Variants in UBR3 observed in about 807,000 individuals in gnomAD.
UBR3 encodes the protein E3 ubiquitin-protein ligase UBR3.
A neutral mutation model predicts 243.2 loss-of-function variants in UBR3; 85 were observed. The ratio of observed to expected loss-of-function variants is 0.35; its 90% CI spans 0.29 to 0.42. The LOEUF is 0.42. UBR3 is among the 10% of genes least tolerant of loss of function. The probability of loss-of-function intolerance (pLI) is 1.00; values close to 1 mark genes in which losing one functional copy is unlikely to be tolerated. For missense variants in UBR3, 1,686 were observed against 2,300.8 expected (o/e 0.73, Z 5.47); for synonymous variants, 748 against 799.8 (o/e 0.94, Z 1.09).
At chr2:170,055,839 A>G (rs968693832) in intron 33 of UBR3, among the ~76,000 whole-genome samples, 10 of 152,122 alleles carry the variant, frequency 6.6e-5, no homozygotes, top group African/African-American at 2.2e-4. Context: ...CCTTAAACTT[A>G]GAGAAGTTAT....
chr2:169,981,070 C>T (rs1172298753), intron 24 of UBR3, among the ~76,000 whole-genome samples: 1 of 151,806 alleles, frequency 6.6e-6, no homozygotes, highest in Non-Finnish European at 1.5e-5. Context: ...CATTATAACC[C>T]TGAGTATAAA....
intron 30 of UBR3, among the ~76,000 whole-genome samples, chr2:170,024,116 G>T (rs1375594216): frequency 6.6e-6 from 1 of 152,052 alleles, no homozygotes; most frequent in African/African-American, 2.4e-5. Flanking sequence ...AACTGACAGA[G>T]GGCTGAGGTG....
intron 25 of UBR3, among the ~76,000 whole-genome samples, chr2:169,991,712 A>G (rs978164982): frequency 6.6e-6 from 1 of 152,074 alleles, no homozygotes; most frequent in Non-Finnish European, 1.5e-5. Flanking sequence ...CTTCCCAAGT[A>G]GCTGGGACCA....
intron 1 of UBR3, among the ~76,000 whole-genome samples, chr2:169,838,517 T>G (rs2082189458): frequency 6.6e-6 from 1 of 151,270 alleles, no homozygotes; most frequent in South Asian, 2.1e-4. Context: ...CTAAGGTAGT[T>G]CCCTCCAGCA....
chr2:169,895,149 A>G lies in UBR3; in HGVS notation c.1106-32A>G, dbSNP rs553003677. The stretch of plus-strand genomic sequence containing the variant: ...TAAAATGAGATGAGCAACTTCAATC[A>G]TTAACTGATAAATTTCATTTTTCAT... On this transcript the variant is annotated intron_variant, in intron 6 of 38. Transcript: ENST00000272793. 14 of 1,481,118 alleles carry G rather than the reference A, an allele frequency of 9.5e-6. No individual in the cohort carries two copies. The South Asian group carries it at 1.8e-4, about 19-fold the overall frequency. 91.7% of individuals were successfully genotyped at this position (1,481,118 alleles called of 1,614,324 possible).
intron 35 of UBR3, among the ~76,000 whole-genome samples, chr2:170,064,803 ATTTTT>A: frequency 9.1e-5 from 8 of 87,872 alleles, no homozygotes; most frequent in African/African-American, 3.0e-4. Flanking sequence ...TGCTTTTTCT[ATTTTT>A]TTTTTTTTTT....
At chr2:170,029,888 T>C (rs13017753) in intron 31 of UBR3, among the ~76,000 whole-genome samples, 66,125 of 151,938 alleles carry the variant, frequency 0.44, 15,477 homozygotes, top group Non-Finnish European at 0.54. Flanking sequence ...AAAAAAATGC[T>C]TTCTTCTGAT....
intron 5 of UBR3, among the ~76,000 whole-genome samples, chr2:169,890,534 G>GATATATATATATATATATATAT (rs1329333538): frequency 5.7e-5 from 1 of 17,468 alleles, no homozygotes; most frequent in East Asian, 1.4e-3. Flanking sequence ...AGGAGAGAGA[G>GATATATATATATATATATATAT]AGAGAGATAT....
chr2:169,863,185 C>T (rs1013585594), intron 1 of UBR3, among the ~76,000 whole-genome samples: 4 of 152,190 alleles, frequency 2.6e-5, no homozygotes, highest in African/African-American at 9.7e-5. Context: ...CTCTCCTCTA[C>T]TTCTCCCACA....
At chr2:170,016,904 A>G in intron 30 of UBR3, 1 of 798,220 alleles carries the variant, frequency 1.3e-6, no homozygotes, top group Non-Finnish European at 1.6e-6. Context: ...AAGTCATGAT[A>G]AAGTTTATCC....
At chr2:170,007,653 C>T (rs1277559860) in intron 28 of UBR3, among the ~76,000 whole-genome samples, 1 of 152,086 alleles carries the variant, frequency 6.6e-6, no homozygotes, top group Admixed American at 6.5e-5. Context: ...CACTTAAGGT[C>T]AGGAGTTTGA....
intron 31 of UBR3, among the ~76,000 whole-genome samples, chr2:170,034,232 G>C (rs12692938): frequency 0.98 from 148,444 of 151,992 alleles, 72,580 homozygotes; most frequent in East Asian, 1. Flanking sequence ...TGCTGTTGAA[G>C]ATTCTGTAGG....
chr2:169,908,049 C>A (rs1318331640), intron 10 of UBR3, among the ~76,000 whole-genome samples: 1 of 152,122 alleles, frequency 6.6e-6, no homozygotes, highest in Non-Finnish European at 1.5e-5. Context: ...TTCTTATACC[C>A]CCTCTCCCTC....
intron 29 of UBR3, among the ~76,000 whole-genome samples, chr2:170,009,523 A>C (rs1475375231): frequency 6.6e-6 from 1 of 152,138 alleles, no homozygotes; most frequent in African/African-American, 2.4e-5. Context: ...GATTAGTCTA[A>C]TTGTATGCAA....
chr2:169,914,069 G>A lies in UBR3; in HGVS notation c.1789G>A (p.Glu597Lys), dbSNP rs1384649517. The change falls in exon 11 of 39, where the codon GAG (glutamate) becomes AAG (lysine). Residue 597 changes from glutamate (E) to lysine (K), a missense_variant. This residue lies in a region of UBR3 where 346 missense variants were observed against 585.8 expected (regional missense o/e 0.59). Transcript: ENST00000272793. ...TAACTTACTATTTTAGGAAACTCAA[G>A]AGTATACCCGAAATGTTGTTAGATA... Reference protein sequence around the residue: ...LSHCKVRETQEYTRNVVRYCL... With the variant: ...LSHCKVRETQKYTRNVVRYCL... 6.8e-7 allele frequency: 1 copy of A among 1,480,746 alleles called. No individual in the cohort carries two copies. The highest frequency in any genetic ancestry group is 2.4e-5 in the Admixed American group (1 of 42,508). 91.7% of individuals were successfully genotyped at this position (1,480,746 alleles called of 1,614,324 possible).
At chr2:169,847,124 T>TGTGC (rs1332056027) in intron 1 of UBR3, among the ~76,000 whole-genome samples, 149 of 33,516 alleles carry the variant, frequency 4.4e-3, no homozygotes, top group African/African-American at 0.011. Flanking sequence ...TGTGTGTGTG[T>TGTGC]GCGCTGGCAG....
intron 6 of UBR3, among the ~76,000 whole-genome samples, chr2:169,893,930 CT>C (rs1385641200): frequency 6.6e-6 from 1 of 152,024 alleles, no homozygotes; most frequent in East Asian, 1.9e-4. Flanking sequence ...GTTTTTATTA[CT>C]TTTTATCTTT....
At chr2:170,070,562 T>A (rs1034551747) in intron 35 of UBR3, among the ~76,000 whole-genome samples, 3 of 152,082 alleles carry the variant, frequency 2.0e-5, no homozygotes, top group African/African-American at 7.2e-5. Flanking sequence ...GCAAATAAAA[T>A]GACCTTACCT....
chr2:170,047,192 TC>T (rs554903026), intron 32 of UBR3, among the ~76,000 whole-genome samples: 19,095 of 150,204 alleles, frequency 0.13, 1,673 homozygotes, highest in African/African-American at 0.25. Context: ...GGTGGCGGTG[TC>T]GGGGGGGGGG....
Sources: allele counts gnomAD v4.1 joint callset (sites outside exome capture counted in the v4.1 genomes callset), GRCh38; gene constraint gnomAD v4.1.1; regional missense constraint gnomAD v4.1.1; transcripts MANE v1.5; gene names NCBI Gene and HGNC (gene_info 2026-07-23, HGNC 2026-07-21).